CACNA1D: variants seen among roughly 807,000 people sequenced by gnomAD.
The protein encoded by CACNA1D is calcium voltage-gated channel subunit alpha1 D.
In CACNA1D, 55 loss-of-function variants were observed where a neutral mutation model predicts 257.1. The observed-to-expected ratio is 0.21, with a 90% CI of 0.17 to 0.27. CACNA1D has a LOEUF of 0.27. CACNA1D is among the 10% of genes least tolerant of loss of function. CACNA1D has a pLI of 1.00. For synonymous variants in CACNA1D, 980 were observed against 1,014.9 expected (o/e 0.97, Z 0.65); for missense variants, 1,876 against 2,784.0 (o/e 0.67, Z 7.34).
chr3:53,601,646 G>A (rs1364300150), intron 3 of CACNA1D, among the ~76,000 whole-genome samples: 1 of 152,184 alleles, frequency 6.6e-6, no homozygotes, highest in South Asian at 2.1e-4. Flanking sequence ...GGTGGTGGTA[G>A]CAGCAGTAGT....
chr3:53,695,951 C>T (rs571140955), intron 8 of CACNA1D, among the ~76,000 whole-genome samples: 7 of 152,156 alleles, frequency 4.6e-5, no homozygotes, highest in East Asian at 1.9e-4. Context: ...AGCCTGTTTT[C>T]GTTAGTTTTT....
At chr3:53,778,111 C>T (rs1254015198) in intron 37 of CACNA1D, among the ~76,000 whole-genome samples, 1 of 152,182 alleles carries the variant, frequency 6.6e-6, no homozygotes, top group Non-Finnish European at 1.5e-5. Flanking sequence ...TGTTCCCTGC[C>T]CTGAAAATCC....
At chr3:53,501,505 G>A (rs2090602871) in intron 2 of CACNA1D, 110 bp from the exon 3 acceptor site, 2 of 693,306 alleles carry the variant, frequency 2.9e-6, no homozygotes. Flanking sequence ...TAGGATTTGT[G>A]TATGTCATTT....
intron 9 of CACNA1D, among the ~76,000 whole-genome samples, chr3:53,708,917 A>G (rs1322143035): frequency 6.6e-6 from 1 of 152,192 alleles, no homozygotes. Context: ...TCACTGAACC[A>G]TGTACCACAG....
chr3:53,728,951 A>G (rs898367167), intron 15 of CACNA1D, among the ~76,000 whole-genome samples: 1 of 152,194 alleles, frequency 6.6e-6, no homozygotes, highest in African/African-American at 2.4e-5. Flanking sequence ...ACAAGCTTGT[A>G]AGATCTTCCT....
rs1414735708 is a variant in CACNA1D, at chr3:53,719,796, T to G, written c.1505+15T>G. The G allele has an allele frequency of 4.3e-6, 7 of 1,611,362 alleles. No homozygotes were observed. Among genetic ancestry groups the G allele is most frequent in the Non-Finnish European group, 5.9e-6 (7 of 1,177,532 alleles). On this transcript the variant is annotated intron_variant, in intron 11 of 47. Transcript: ENST00000350061. ...TCCAAACTCAGGTCAGTATCTTCTTTCTGTTTCTTCGTCAGCCTGTGTGTT... is the reference window on the plus strand; with the variant it reads ...TCCAAACTCAGGTCAGTATCTTCTTGCTGTTTCTTCGTCAGCCTGTGTGTT...
chr3:53,793,331 C>T lies in CACNA1D; in HGVS notation c.4923+6379C>T, dbSNP rs2095493058. ...ATGTATCGTCCCTGAAAGGGAAGCCCGTCAGTCCTGTGGGGGTCCGTCAGT... is the reference window on the plus strand; with the variant it reads ...ATGTATCGTCCCTGAAAGGGAAGCCTGTCAGTCCTGTGGGGGTCCGTCAGT... On this transcript the variant is annotated intron_variant, in intron 40 of 47. Transcript: ENST00000350061. This position sits in a 1 kb window ranked among gnomAD's most constrained non-coding sequence, Gnocchi z 4.1. Among the ~76,000 whole-genome samples, 1 of 152,176 alleles carries T rather than the reference C, an allele frequency of 6.6e-6. No homozygotes were observed. Among genetic ancestry groups the T allele is most frequent in the African/African-American group, 2.4e-5 (1 of 41,444 alleles).
At chr3:53,790,450 T>C (rs907398857) in intron 40 of CACNA1D, among the ~76,000 whole-genome samples, 10 of 152,246 alleles carry the variant, frequency 6.6e-5, no homozygotes, top group Non-Finnish European at 1.5e-5. Context: ...TGCACTCCGG[T>C]GGAATCCGAG....
At chr3:53,652,820 T>C (rs2094110881) in intron 4 of CACNA1D, among the ~76,000 whole-genome samples, 1 of 152,232 alleles carries the variant, frequency 6.6e-6, no homozygotes, top group Admixed American at 6.5e-5. Flanking sequence ...TCAGTTTGAG[T>C]AGTTTAGGTC....
rs926485188 is a variant in CACNA1D at position 53,753,742 on chromosome 3, C to T, written c.3786+60C>T. 12 of 969,076 alleles carry T rather than the reference C, an allele frequency of 1.2e-5. No homozygotes were observed. The African/African-American group carries it at 1.8e-4, about 14-fold the overall frequency. The allele number at this position is 969,076 out of a possible 1,614,324, so 60.0% of individuals were successfully genotyped here. On this transcript the variant is annotated intron_variant, in intron 29 of 47. Transcript: ENST00000350061. ...CTGAGTCACCCTAGAGAAGTACCCG[C>T]TTCCTGTTAGTCTTGTGTTACTGAA...
chr3:53,804,952 G>GA, intron 44 of CACNA1D, 31 bp from the exon 45 acceptor site: 1 of 1,610,114 alleles, frequency 6.2e-7, no homozygotes, highest in Non-Finnish European at 8.5e-7. Context: ...TTGTTACCTA[G>GA]AACCTTACTG....
intron 4 of CACNA1D, among the ~76,000 whole-genome samples, chr3:53,653,649 A>G (rs1398664702): frequency 6.6e-6 from 1 of 152,170 alleles, no homozygotes; most frequent in Non-Finnish European, 1.5e-5. Flanking sequence ...TGGCAATAAC[A>G]TGAAGAATAA....
chr3:53,724,816 A>G (rs1221541757), intron 14 of CACNA1D, among the ~76,000 whole-genome samples: 1 of 152,192 alleles, frequency 6.6e-6, no homozygotes, highest in Non-Finnish European at 1.5e-5. Flanking sequence ...TGGATGAGTC[A>G]CTTACCCATT....
At chr3:53,583,813 T>C (rs2093170202) in intron 3 of CACNA1D, among the ~76,000 whole-genome samples, 1 of 135,652 alleles carries the variant, frequency 7.4e-6, no homozygotes, top group Non-Finnish European at 1.7e-5. Context: ...CCATTTGTTT[T>C]CCCTTGTGAC....
intron 8 of CACNA1D, among the ~76,000 whole-genome samples, chr3:53,702,400 A>G (rs2094635573): frequency 6.6e-6 from 1 of 152,042 alleles, no homozygotes; most frequent in African/African-American, 2.4e-5. Flanking sequence ...AGGGGAGTTC[A>G]TTTTCTAAGA....
intron 37 of CACNA1D, among the ~76,000 whole-genome samples, chr3:53,778,026 G>T (rs2095407220): frequency 6.6e-6 from 1 of 152,160 alleles, no homozygotes; most frequent in Admixed American, 6.5e-5. Context: ...GCCAGCTCTA[G>T]ACAGAAACCA....
At position 53,811,591 on chromosome 3, in the gene CACNA1D, T is replaced by A. The variant is rs1038747834; in HGVS notation, c.*185T>A. 7 of 562,278 alleles carry A rather than the reference T, an allele frequency of 1.2e-5. No individual in the cohort carries two copies. The highest frequency in any genetic ancestry group is 1.8e-5 in the Non-Finnish European group (6 of 325,534). The allele number at this position is 562,278 out of a possible 1,614,324, so 34.8% of individuals were successfully genotyped here. ...CCTGGTAGGAACAGGTCCCAAGCGG[T>A]TGAGCCTGGCAGAGTACCATGCGCT... On this transcript the variant is annotated 3_prime_UTR_variant, in exon 48 of 48. Transcript: ENST00000350061. This position sits in a 1 kb window ranked among gnomAD's most constrained non-coding sequence, Gnocchi z 4.2.
intron 3 of CACNA1D, among the ~76,000 whole-genome samples, chr3:53,559,597 C>A (rs1489339166): frequency 6.6e-6 from 1 of 152,124 alleles, no homozygotes; most frequent in Non-Finnish European, 1.5e-5. Flanking sequence ...ATCTATTGTT[C>A]AGTCTGGGAC....
chr3:53,731,434 C>T (rs982334294), intron 17 of CACNA1D, among the ~76,000 whole-genome samples: 2 of 152,188 alleles, frequency 1.3e-5, no homozygotes, highest in African/African-American at 2.4e-5. Flanking sequence ...AGCCCTGACC[C>T]GTGGTCAGGA....
Sources: gnomAD v4.1 joint callset for allele counts (sites outside exome capture counted in the v4.1 genomes callset) on GRCh38, gnomAD v4.1.1 for gene constraint, Gnocchi (gnomAD v3.1) non-coding constraint, MANE v1.5 for transcripts, NCBI Gene and HGNC (gene_info 2026-07-23, HGNC 2026-07-21) for gene names.